The following ST8SIA1 variants were observed in gnomAD, a reference collection of about 807,000 sequenced individuals.
The protein encoded by ST8SIA1 is ST8 alpha-N-acetyl-neuraminide alpha-2,8-sialyltransferase 1.
A neutral mutation model predicts 35.9 loss-of-function variants in ST8SIA1; 16 were observed. The observed-to-expected ratio is 0.45, with a 90% CI of 0.30 to 0.68. The LOEUF (loss-of-function observed/expected upper bound fraction) is 0.68, where lower values mean the gene tolerates loss of function less well. Among genes scored for constraint, ST8SIA1 ranks in the 30% least tolerant of loss-of-function variants. The pLI, the probability that ST8SIA1 is intolerant of heterozygous loss-of-function variation, is 0.09. For synonymous variants in ST8SIA1, 170 were observed against 169.6 expected, an observed-to-expected ratio of 1.00 and a Z score of -0.02; for missense variants, 383 against 453.6, an observed-to-expected ratio of 0.84 and a Z score of 1.41.
intron 1 of ST8SIA1, among the ~76,000 whole-genome samples, chr12:22,289,188 G>C (rs1866143849): frequency 6.6e-6 from 1 of 152,148 alleles, no homozygotes; most frequent in African/African-American, 2.4e-5. Flanking sequence ...TGCTAAATCT[G>C]GGGGGAGGAT....
chr12:22,322,662 C>T (rs1013077641), intron 1 of ST8SIA1, among the ~76,000 whole-genome samples: 50 of 152,302 alleles, frequency 3.3e-4, no homozygotes, highest in African/African-American at 1.2e-3. Flanking sequence ...AGCCATTTCA[C>T]ACAAGTGCAA....
At chr12:22,255,200 T>G in intron 3 of ST8SIA1, 80 bp downstream of exon 3, 1 of 1,163,136 alleles carries the variant, frequency 8.6e-7, no homozygotes, top group South Asian at 1.2e-5. Flanking sequence ...AGTGACTAGT[T>G]TTGAAAAGCC....
At chr12:22,321,348 G>C (rs573896909) in intron 1 of ST8SIA1, among the ~76,000 whole-genome samples, 33 of 152,306 alleles carry the variant, frequency 2.2e-4, no homozygotes, top group Non-Finnish European at 4.7e-4. Context: ...CCATTAGAAG[G>C]CTGGGCAGCC....
chr12:22,312,259 A>G (rs1386747614), intron 1 of ST8SIA1, among the ~76,000 whole-genome samples: 6 of 152,196 alleles, frequency 3.9e-5, no homozygotes, highest in African/African-American at 1.4e-4. Flanking sequence ...CATGAAGTGA[A>G]GAAAACCAAA....
intron 4 of ST8SIA1, among the ~76,000 whole-genome samples, chr12:22,207,933 A>G (rs1000726689): frequency 5.9e-5 from 9 of 152,100 alleles, no homozygotes; most frequent in Admixed American, 4.6e-4. Context: ...TCACGAGGTC[A>G]GGAGTTCGAG....
chr12:22,202,988 C>T (rs1436439087), intron 4 of ST8SIA1, among the ~76,000 whole-genome samples: 2 of 152,088 alleles, frequency 1.3e-5, no homozygotes, highest in African/African-American at 4.8e-5. Flanking sequence ...CTTCGAAAAA[C>T]GTCTTATATC....
At chr12:22,225,907 G>A (rs1865351513) in intron 4 of ST8SIA1, among the ~76,000 whole-genome samples, 1 of 152,108 alleles carries the variant, frequency 6.6e-6, no homozygotes, top group Non-Finnish European at 1.5e-5. Flanking sequence ...ATTGGCCGTG[G>A]GGGCGGCACT....
At chr12:22,235,117 A>G (rs1865462442) in intron 4 of ST8SIA1, among the ~76,000 whole-genome samples, 1 of 151,710 alleles carries the variant, frequency 6.6e-6, no homozygotes, top group African/African-American at 2.4e-5. Flanking sequence ...TACAGTGGAA[A>G]CTTCGGTTAA....
At chr12:22,238,903 A>G (rs1865507006) in intron 4 of ST8SIA1, among the ~76,000 whole-genome samples, 3 of 152,156 alleles carry the variant, frequency 2.0e-5, no homozygotes, top group Non-Finnish European at 4.4e-5. Context: ...CTCTCAATGA[A>G]GGATCTTTGG....
At chr12:22,289,827 T>C (rs941776648) in intron 1 of ST8SIA1, among the ~76,000 whole-genome samples, 4 of 152,344 alleles carry the variant, frequency 2.6e-5, no homozygotes, top group Admixed American at 2.6e-4. Context: ...GCAAATCGCT[T>C]TCATATTTGT....
At chr12:22,326,555 T>C (rs1274002293) in intron 1 of ST8SIA1, among the ~76,000 whole-genome samples, 1 of 152,218 alleles carries the variant, frequency 6.6e-6, no homozygotes, top group Non-Finnish European at 1.5e-5. Context: ...TTTTTCAATG[T>C]CACAAAGTTG....
intron 3 of ST8SIA1, among the ~76,000 whole-genome samples, chr12:22,254,345 T>C (rs1865705915): frequency 6.6e-6 from 1 of 152,170 alleles, no homozygotes; most frequent in African/African-American, 2.4e-5. Flanking sequence ...CCTTCATTCA[T>C]AGCCAGGAGC....
chr12:22,250,594 T>C (rs1382382427), intron 3 of ST8SIA1: 5 of 152,192 alleles, frequency 3.3e-5, no homozygotes, highest in Non-Finnish European at 7.4e-5. Context: ...CATTTACTTG[T>C]AGGTAAAGAT....
At chr12:22,321,706 C>G (rs1159627841) in intron 1 of ST8SIA1, among the ~76,000 whole-genome samples, 20 of 152,156 alleles carry the variant, frequency 1.3e-4, no homozygotes, top group Non-Finnish European at 1.5e-5. Context: ...GGGTGGAGGT[C>G]AGGAGGTAGA....
Position 22,249,072 on chromosome 12 carries a change from T to G in ST8SIA1, c.518A>C (p.Glu173Ala). Residue 173 changes from glutamate to alanine, a missense_variant, in exon 4 of 5, where the codon GAA becomes GCA. Transcript: ENST00000396037. ...TTTGGATCCAACATCCTTAGTGTATTCACTTGACAAAGGAGGGAGATTGCA... is the reference window on the plus strand; with the variant it reads ...TTTGGATCCAACATCCTTAGTGTATGCACTTGACAAAGGAGGGAGATTGCA... ...MRCNLPPLSS[E>A]YTKDVGSKSQ... The G allele has an allele frequency of 6.2e-7, 1 of 1,613,668 alleles. No individual in the cohort carries two copies. The highest frequency in any genetic ancestry group is 8.5e-7 in the Non-Finnish European group (1 of 1,179,700).
chr12:22,234,783 A>G (rs1865457914), intron 4 of ST8SIA1, among the ~76,000 whole-genome samples: 1 of 152,232 alleles, frequency 6.6e-6, no homozygotes, highest in African/African-American at 2.4e-5. Context: ...TCAGCTTCCA[A>G]CTGGACAACA....
chr12:22,325,752 G>T, intron 1 of ST8SIA1: 1 of 643,584 alleles, frequency 1.6e-6, no homozygotes, highest in South Asian at 1.8e-5. Context: ...AGTAAGAGAT[G>T]AACAATAATA....
At chr12:22,296,164 AC>A (rs1220269734) in intron 1 of ST8SIA1, among the ~76,000 whole-genome samples, 2 of 152,160 alleles carry the variant, frequency 1.3e-5, no homozygotes, top group African/African-American at 4.8e-5. Flanking sequence ...CATCAAGGAA[AC>A]CAGCGAATCT....
At chr12:22,255,484 T>C in intron 2 of ST8SIA1, 95 bp from the exon 3 acceptor site, 1 of 1,073,434 alleles carries the variant, frequency 9.3e-7, no homozygotes, top group Non-Finnish European at 1.4e-6. Flanking sequence ...GGAATTTGAC[T>C]GAAGACTGAG....
Sources: gnomAD v4.1 joint callset for allele counts (sites outside exome capture counted in the v4.1 genomes callset) on GRCh38, gnomAD v4.1.1 for gene constraint, MANE v1.5 for transcripts, NCBI Gene and HGNC (gene_info 2026-07-23, HGNC 2026-07-21) for gene names.